Variants in DMC1 observed in about 807,000 individuals in gnomAD.
DMC1 encodes meiotic recombination protein DMC1 homolog.
Under a neutral mutation model 50.1 loss-of-function variants are expected in DMC1, and 27 were observed. The ratio of observed to expected loss-of-function variants is 0.54; its 90% CI spans 0.40 to 0.74. DMC1 has a LOEUF of 0.74. Among genes scored for constraint, DMC1 ranks in the 30% least tolerant of loss-of-function variants. The pLI is 0.00. For missense variants in DMC1, 295 were observed against 420.2 expected (o/e 0.70, Z 2.60); for synonymous variants, 148 against 136.1 (o/e 1.09, Z -0.61).
At chr22:38,522,404 A>G (rs1824832007) in intron 12 of DMC1, among the ~76,000 whole-genome samples, 1 of 152,038 alleles carries the variant, frequency 6.6e-6, no homozygotes. Context: ...AAAATACAAA[A>G]ATTAGCCAGG....
At chr22:38,515,596 C>T (rs769976805), downstream of DMC1, among the ~76,000 whole-genome samples, 26 of 151,850 alleles carry the variant, frequency 1.7e-4, no homozygotes, top group Non-Finnish European at 2.9e-4. Context: ...GTTAGGATTT[C>T]GAGACCATCC....
intron 12 of DMC1, among the ~76,000 whole-genome samples, chr22:38,531,450 A>C (rs903278561): frequency 6.6e-6 from 1 of 152,212 alleles, no homozygotes; most frequent in African/African-American, 2.4e-5. Flanking sequence ...TTGCGGACTC[A>C]TACCAATTAT....
At chr22:38,555,596 C>T (rs1300219880) in intron 5 of DMC1, among the ~76,000 whole-genome samples, 187 bp from the exon 6 acceptor site, 2 of 152,198 alleles carry the variant, frequency 1.3e-5, no homozygotes, top group East Asian at 3.9e-4. Context: ...CTTGCTAGAT[C>T]ACAGGTTCTA....
chr22:38,532,872 T>A (rs900710404), intron 12 of DMC1, among the ~76,000 whole-genome samples: 1 of 151,908 alleles, frequency 6.6e-6, no homozygotes, highest in Non-Finnish European at 1.5e-5. Flanking sequence ...CCTCCCAAAG[T>A]GCTGGGATTA....
chr22:38,554,146 A>AAATG (rs1410115257), intron 6 of DMC1, among the ~76,000 whole-genome samples: 1 of 151,800 alleles, frequency 6.6e-6, no homozygotes, highest in Non-Finnish European at 1.5e-5. Context: ...ATAAATAAAT[A>AAATG]AATGAAAATA....
rs2145863793 is a variant in DMC1 at position 38,538,190 on chromosome 22, T to G, written c.775+105A>C. Reference sequence around the variant, plus strand: ...GAGTTGTATTCTCATAAAGGTAATTTTATTTAAAAAAAAATCGCTGCCTCC... The same window carrying G: ...GAGTTGTATTCTCATAAAGGTAATTGTATTTAAAAAAAAATCGCTGCCTCC... On this transcript the variant is annotated intron_variant, in intron 11 of 13. Transcript: ENST00000216024. The G allele has an allele frequency of 3.3e-6, 3 of 900,022 alleles. No individual in the cohort carries two copies. In the East Asian group the frequency reaches 7.8e-5, roughly 24 times the overall value. The allele number at this position is 900,022 out of a possible 1,614,324, so 55.8% of individuals were successfully genotyped here.
chr22:38,556,268 T>C (rs953915684), intron 5 of DMC1, among the ~76,000 whole-genome samples: 11 of 152,314 alleles, frequency 7.2e-5, no homozygotes, highest in Admixed American at 6.5e-4. Flanking sequence ...TAATTTTTTA[T>C]TTTTTGTATG....
the DMC1 span, among the ~76,000 whole-genome samples, chr22:38,513,568 CTCTT>C: frequency 3.9e-5 from 6 of 152,082 alleles, no homozygotes; most frequent in Non-Finnish European, 8.8e-5. Flanking sequence ...CTTTCTCTCT[CTCTT>C]TCTTTTTTCT....
At chr22:38,560,244 T>G (rs890843538) in intron 5 of DMC1, among the ~76,000 whole-genome samples, 2 of 152,110 alleles carry the variant, frequency 1.3e-5, no homozygotes, top group African/African-American at 2.4e-5. Context: ...GCAAGCCATG[T>G]AGATCTAAGA....
At chr22:38,545,578 C>T (rs559857421) in intron 8 of DMC1, among the ~76,000 whole-genome samples, 7 of 152,210 alleles carry the variant, frequency 4.6e-5, no homozygotes, top group Admixed American at 1.3e-4. Flanking sequence ...CCCACCACTG[C>T]GCCTGGCTAA....
At chr22:38,530,220 G>A (rs1569155672) in intron 12 of DMC1, among the ~76,000 whole-genome samples, 1 of 152,066 alleles carries the variant, frequency 6.6e-6, no homozygotes, top group African/African-American at 2.4e-5. Context: ...ACCTGCCTCA[G>A]CCTCCCAAAG....
chr22:38,510,797 T>C, the DMC1 span, among the ~76,000 whole-genome samples: 1 of 152,354 alleles, frequency 6.6e-6, no homozygotes, highest in East Asian at 1.9e-4. Context: ...CCTGGGCCCT[T>C]GATGACATTA....
intron 4 of DMC1, among the ~76,000 whole-genome samples, chr22:38,563,526 G>GTCTC (rs367943861): frequency 6.6e-6 from 1 of 150,560 alleles, no homozygotes; most frequent in East Asian, 1.9e-4. Flanking sequence ...CTCTCTCTCT[G>GTCTC]TCTCTCTCTC....
intron 7 of DMC1, among the ~76,000 whole-genome samples, chr22:38,550,832 G>A (rs964031267): frequency 1.3e-5 from 2 of 149,792 alleles, no homozygotes; most frequent in Non-Finnish European, 3.0e-5. Flanking sequence ...TCTGGAGGCT[G>A]AGGCAGGAGA....
At chr22:38,530,843 G>A (rs1327267516) in intron 12 of DMC1, among the ~76,000 whole-genome samples, 1 of 152,154 alleles carries the variant, frequency 6.6e-6, no homozygotes, top group African/African-American at 2.4e-5. Flanking sequence ...GCTGAGGTGG[G>A]CGGATCGCCC....
chr22:38,569,542 A>C (rs185417026), intron 1 of DMC1, among the ~76,000 whole-genome samples: 112 of 152,286 alleles, frequency 7.4e-4, no homozygotes, highest in African/African-American at 2.5e-3. Flanking sequence ...TGAGTACCCC[A>C]ATTCCACATT....
At chr22:38,513,402 T>G in the DMC1 span, among the ~76,000 whole-genome samples, 1 of 152,178 alleles carries the variant, frequency 6.6e-6, no homozygotes. Context: ...GTTATTATGA[T>G]GGAGAAATGC....
At chr22:38,531,750 T>C (rs1467141524) in intron 12 of DMC1, among the ~76,000 whole-genome samples, 4 of 152,192 alleles carry the variant, frequency 2.6e-5, no homozygotes, top group African/African-American at 9.7e-5. Flanking sequence ...CAGAGTTGAC[T>C]TACCCAGTAA....
intron 5 of DMC1, among the ~76,000 whole-genome samples, chr22:38,557,340 A>G (rs1043396192): frequency 2.0e-5 from 3 of 151,362 alleles, no homozygotes; most frequent in Non-Finnish European, 2.9e-5. Flanking sequence ...TAAGTGTAGA[A>G]ATAGTGTTTT....
Sources: allele counts gnomAD v4.1 joint callset (sites outside exome capture counted in the v4.1 genomes callset), GRCh38; gene constraint gnomAD v4.1.1; transcripts MANE v1.5; gene names NCBI Gene and HGNC (gene_info 2026-07-23, HGNC 2026-07-21).